The following SORCS2 variants were observed in gnomAD, a reference collection of about 807,000 sequenced individuals.
SORCS2 encodes VPS10 domain-containing receptor SorCS2.
SORCS2 carries 100 observed loss-of-function variants against 141.6 expected under a neutral mutation model. The observed-to-expected ratio is 0.71, with a 90% CI of 0.60 to 0.83. The LOEUF is 0.83. SORCS2 is among the 40% of genes least tolerant of loss of function. The probability of loss-of-function intolerance (pLI) is 0.00; values close to 1 mark genes in which losing one functional copy is unlikely to be tolerated. For synonymous variants in SORCS2, 789 were observed against 676.9 expected (o/e 1.17, Z -2.57); for missense variants, 1,646 against 1,560.2 (o/e 1.05, Z -0.93).
Position 7,305,279 on chromosome 4 carries a change from C to T in SORCS2, c.481-91009C>T, listed in dbSNP as rs570519870. The stretch of plus-strand genomic sequence containing the variant: ...ATCTGCTGACCTCGTGATCTGCCCG[C>T]CTCGGCCTCCCAAAGTGCTGGGATC... On this transcript the variant is annotated intron_variant, in intron 1 of 26. Transcript: ENST00000507866. Among the ~76,000 whole-genome samples, 3 of 152,292 alleles carry T rather than the reference C, an allele frequency of 2.0e-5. No homozygotes were observed. The East Asian group carries it at 5.8e-4, about 29-fold the overall frequency.
intron 2 of SORCS2, among the ~76,000 whole-genome samples, chr4:7,465,178 A>T (rs1729544033): frequency 6.6e-6 from 1 of 152,194 alleles, no homozygotes; most frequent in Non-Finnish European, 1.5e-5. Context: ...ATGGGCGCGG[A>T]CCAGGCAGCC....
At chr4:7,227,405 C>A (rs967105843) in intron 1 of SORCS2, among the ~76,000 whole-genome samples, 1 of 152,234 alleles carries the variant, frequency 6.6e-6, no homozygotes, top group Non-Finnish European at 1.5e-5. Flanking sequence ...TTCTCGACTT[C>A]TCCAGAAAAC....
chr4:7,670,822 A>T (rs1040035901), intron 8 of SORCS2, among the ~76,000 whole-genome samples: 1 of 152,052 alleles, frequency 6.6e-6, no homozygotes, highest in Admixed American at 6.6e-5. Context: ...GGGAGGGTGC[A>T]GGGGTGCCAT....
At chr4:7,404,446 T>G (rs559611684) in intron 2 of SORCS2, among the ~76,000 whole-genome samples, 4 of 152,216 alleles carry the variant, frequency 2.6e-5, no homozygotes, top group Non-Finnish European at 5.9e-5. Context: ...CCGTAGAGTC[T>G]GTACTAACTT....
At chr4:7,702,365 C>G (rs2109013900) in intron 12 of SORCS2, among the ~76,000 whole-genome samples, 1 of 152,354 alleles carries the variant, frequency 6.6e-6, no homozygotes. Context: ...CATGCATGTT[C>G]ACTGGAGATT....
chr4:7,458,362 G>A (rs528015443), intron 2 of SORCS2, among the ~76,000 whole-genome samples: 6 of 152,262 alleles, frequency 3.9e-5, no homozygotes, highest in African/African-American at 7.2e-5. Context: ...AGGGCTGGGT[G>A]CAGGTCTGGT....
chr4:7,715,255 C>G lies in SORCS2; in HGVS notation c.2196C>G (p.Asn732Lys), dbSNP rs1560106998. Residue 732 changes from asparagine to lysine, a missense_variant, in exon 17 of 27, where the codon AAC becomes AAG. Asn to Lys is a moderately conservative substitution (Grantham distance 94). Transcript: ENST00000507866. ...TNKCSANFWF[N>K]PLSPPDDCAL... is the part of the protein sequence containing the mutation. ...AGTGCTCTGCCAACTTCTGGTTTAACCCATTGTCCCCGCCTGACGACTGTG... is the reference window on the plus strand; with the variant it reads ...AGTGCTCTGCCAACTTCTGGTTTAAGCCATTGTCCCCGCCTGACGACTGTG... 1 of 1,614,018 alleles carries G rather than the reference C, an allele frequency of 6.2e-7. No homozygotes were observed.
chr4:7,524,414 G>A (rs768835500), intron 2 of SORCS2, among the ~76,000 whole-genome samples: 25 of 152,036 alleles, frequency 1.6e-4, no homozygotes, highest in Non-Finnish European at 2.2e-4. Flanking sequence ...GACAAGCCAC[G>A]CGGGTTGTGG....
intron 1 of SORCS2, among the ~76,000 whole-genome samples, chr4:7,247,221 G>A (rs1265193507): frequency 1.3e-5 from 2 of 152,166 alleles, no homozygotes; most frequent in African/African-American, 2.4e-5. Flanking sequence ...GAATTAGGAA[G>A]GCTTCAACCA....
intron 2 of SORCS2, among the ~76,000 whole-genome samples, chr4:7,508,749 A>C (rs1167912905): frequency 6.6e-6 from 1 of 152,206 alleles, no homozygotes; most frequent in Non-Finnish European, 1.5e-5. Context: ...TTTTTGTTGC[A>C]TTTTTAAAAA....
chr4:7,412,301 A>G (rs1487720638), intron 2 of SORCS2, among the ~76,000 whole-genome samples: 1 of 152,204 alleles, frequency 6.6e-6, no homozygotes, highest in Non-Finnish European at 1.5e-5. Context: ...TTCTCAGGGA[A>G]AAAGCAAACT....
intron 22 of SORCS2, 109 bp downstream of exon 22, chr4:7,728,571 C>T (rs1011372863): frequency 1.3e-5 from 9 of 709,306 alleles, no homozygotes; most frequent in Admixed American, 8.8e-5. Context: ...TGGCACTGCC[C>T]CCGCACACGA....
At chr4:7,547,066 C>A (rs1713316471) in intron 3 of SORCS2, among the ~76,000 whole-genome samples, 1 of 152,162 alleles carries the variant, frequency 6.6e-6, no homozygotes, top group Non-Finnish European at 1.5e-5. Context: ...AAACACCACC[C>A]CAACACTGCA....
At chr4:7,738,642 G>T (rs73794756) in intron 26 of SORCS2, among the ~76,000 whole-genome samples, 2,838 of 152,262 alleles carry the variant, frequency 0.019, 84 homozygotes, top group African/African-American at 0.065. Flanking sequence ...TGCCACTGCC[G>T]TTCTGATGAT....
intron 2 of SORCS2, among the ~76,000 whole-genome samples, chr4:7,411,973 AC>A (rs1196410105): frequency 1.3e-5 from 2 of 152,088 alleles, no homozygotes; most frequent in Non-Finnish European, 2.9e-5. Context: ...AGCCCAGCAC[AC>A]CCCCACCATC....
At chr4:7,600,269 A>G (rs79271902) in intron 3 of SORCS2, among the ~76,000 whole-genome samples, 4,017 of 152,252 alleles carry the variant, frequency 0.026, 76 homozygotes, top group Middle Eastern at 0.041. Context: ...CATTTATCTT[A>G]CCATGCTGGA....
chr4:7,242,799 C>A (rs984731493), intron 1 of SORCS2, among the ~76,000 whole-genome samples: 1 of 152,316 alleles, frequency 6.6e-6, no homozygotes, highest in East Asian at 1.9e-4. Context: ...AGTCTTATAC[C>A]AGAGTTAGCT....
intron 1 of SORCS2, among the ~76,000 whole-genome samples, chr4:7,234,840 A>G (rs1180975706): frequency 1.3e-5 from 2 of 152,244 alleles, no homozygotes; most frequent in Admixed American, 1.3e-4. Context: ...GTGCCCCTCC[A>G]GGCAGCCTGT....
chr4:7,741,636 C>G lies in SORCS2; in HGVS notation c.*1372C>G, dbSNP rs569528372. The stretch of plus-strand genomic sequence containing the variant: ...ATCCCAATGAGGGTCCCTCTCAGAG[C>G]GGGAGAACGCCAGAGCCCTGGATGG... On this transcript the variant is annotated 3_prime_UTR_variant, in exon 27 of 27. Coordinates refer to ENST00000507866, the MANE Select transcript of SORCS2 (RefSeq NM_020777.3). 2.6e-4 allele frequency: 42 copies of G among 164,520 alleles called. 1 individual carries two copies. Among genetic ancestry groups the G allele is most frequent in the South Asian group, 2.4e-4 (1 of 4,204 alleles). The allele number at this position is 164,520 out of a possible 1,614,324, so 10.2% of individuals were successfully genotyped here. A position where few individuals can be genotyped will look rare whatever the true frequency, so the allele number is the denominator to read the frequency against.
Sources: gnomAD v4.1 joint callset for allele counts (sites outside exome capture counted in the v4.1 genomes callset) on GRCh38, gnomAD v4.1.1 for gene constraint, MANE v1.5 for transcripts, NCBI Gene and HGNC (gene_info 2026-07-23, HGNC 2026-07-21) for gene names.